Variants in DAGLA observed in about 807,000 individuals in gnomAD.
DAGLA encodes diacylglycerol lipase-alpha.
A neutral mutation model predicts 102.6 loss-of-function variants in DAGLA; 22 were observed. The ratio of observed to expected loss-of-function variants is 0.21; its 90% CI spans 0.15 to 0.31. DAGLA has a LOEUF of 0.31. Ranked by LOEUF, DAGLA falls within the 10% of genes least tolerant of loss-of-function variation. DAGLA has a pLI of 1.00. For synonymous variants in DAGLA, 578 were observed against 628.9 expected (o/e 0.92, Z 1.21); for missense variants, 927 against 1,446.6 (o/e 0.64, Z 5.83).
At chr11:61,709,857 C>A (rs1011680037) in intron 1 of DAGLA, among the ~76,000 whole-genome samples, 8 of 152,118 alleles carry the variant, frequency 5.3e-5, no homozygotes, top group Non-Finnish European at 1.0e-4. Context: ...AACCCAATAG[C>A]CCAGTTGGCC....
At chr11:61,683,045 G>A (rs946296531) in intron 1 of DAGLA, among the ~76,000 whole-genome samples, 2 of 152,200 alleles carry the variant, frequency 1.3e-5, no homozygotes, top group African/African-American at 2.4e-5. Context: ...CCTAATTCCC[G>A]ACAACAAGCT....
chr11:61,694,025 T>C (rs2065044857), intron 1 of DAGLA, among the ~76,000 whole-genome samples: 1 of 152,240 alleles, frequency 6.6e-6, no homozygotes, highest in Non-Finnish European at 1.5e-5. Flanking sequence ...TTCCAGAGTC[T>C]AGGCACATAG....
At chr11:61,725,847 G>A in intron 5 of DAGLA, 148 bp from the exon 6 acceptor site, 1 of 720,800 alleles carries the variant, frequency 1.4e-6, no homozygotes, top group Non-Finnish European at 2.4e-6. Flanking sequence ...CTCTGGCAGG[G>A]CCTGGGCCCT....
intron 5 of DAGLA, among the ~76,000 whole-genome samples, chr11:61,725,758 C>T (rs369166453): frequency 5.9e-5 from 9 of 152,308 alleles, no homozygotes; most frequent in Admixed American, 2.0e-4. Flanking sequence ...CCTTGGCCAA[C>T]GGCACACACC....
intron 1 of DAGLA, among the ~76,000 whole-genome samples, chr11:61,707,426 C>T (rs952652650): frequency 6.6e-5 from 10 of 152,366 alleles, no homozygotes; most frequent in Admixed American, 1.3e-4. Context: ...TTCCCCTCAT[C>T]GTGGAGGCCT....
intron 1 of DAGLA, among the ~76,000 whole-genome samples, chr11:61,697,362 C>T (rs2065074971): frequency 6.6e-6 from 1 of 152,220 alleles, no homozygotes; most frequent in Non-Finnish European, 1.5e-5. Flanking sequence ...GAGATGGGCC[C>T]TCCAGGCAAG....
chr11:61,690,514 A>G (rs562072081), intron 1 of DAGLA, among the ~76,000 whole-genome samples: 62 of 152,216 alleles, frequency 4.1e-4, no homozygotes, highest in African/African-American at 1.3e-3. Flanking sequence ...ATTTAATGCA[A>G]TGAACAGTGA....
At chr11:61,687,564 G>T (rs1454721981) in intron 1 of DAGLA, among the ~76,000 whole-genome samples, 2 of 152,108 alleles carry the variant, frequency 1.3e-5, no homozygotes, top group Non-Finnish European at 2.9e-5. Context: ...CCTGACCTCA[G>T]GTGATCCACC....
intron 1 of DAGLA, among the ~76,000 whole-genome samples, chr11:61,690,860 C>T (rs966524303): frequency 1.3e-5 from 2 of 152,194 alleles, no homozygotes; most frequent in Non-Finnish European, 2.9e-5. Flanking sequence ...AGGAAGCCCT[C>T]GCCGCTCCCC....
At position 61,741,092 on chromosome 11, in the gene DAGLA, C is replaced by A. The variant is rs1591055237; in HGVS notation, c.1984-70C>A. On this transcript the variant is annotated intron_variant, in intron 18 of 19. Transcript: ENST00000257215. ...TTGGCCTGAGAGGCCTGGGCCCTGG[C>A]TCCACATCGGCCCCACGATGGGGCC... 6.2e-6 allele frequency: 9 copies of A among 1,445,506 alleles called. No individual in the cohort carries two copies. In the African/African-American group the frequency reaches 8.5e-5, roughly 14 times the overall value. 89.5% of individuals were successfully genotyped at this position (1,445,506 alleles called of 1,614,324 possible).
At chr11:61,704,431 T>G (rs1192102982) in intron 1 of DAGLA, among the ~76,000 whole-genome samples, 3 of 152,230 alleles carry the variant, frequency 2.0e-5, no homozygotes, top group Non-Finnish European at 4.4e-5. Flanking sequence ...GACCAAAGGA[T>G]TTCTTTATGG....
rs2064972796 is a variant in DAGLA at position 61,684,731 on chromosome 11, A to C, written c.-45+4227A>C. Among the ~76,000 whole-genome samples the C allele has an allele frequency of 6.6e-6, 1 of 151,978 alleles. No homozygotes were observed. The highest frequency in any genetic ancestry group is 1.5e-5 in the Non-Finnish European group (1 of 67,994). ...TGTGCCCATAAGTGTTTCTGTGGGAAGTGAGGGCGGAGGGGGTGTGGAGCG... is the reference window on the plus strand; with the variant it reads ...TGTGCCCATAAGTGTTTCTGTGGGACGTGAGGGCGGAGGGGGTGTGGAGCG... On this transcript the variant is annotated intron_variant, in intron 1 of 19. Coordinates refer to ENST00000257215, the MANE Select transcript of DAGLA (RefSeq NM_006133.3). The surrounding 1 kb of genome is among the most constrained non-coding windows in gnomAD (Gnocchi z 4.5).
intron 17 of DAGLA, 121 bp downstream of exon 17, chr11:61,739,782 G>T (rs1179178598): frequency 9.6e-7 from 1 of 1,039,998 alleles, no homozygotes; most frequent in Non-Finnish European, 1.4e-6. Context: ...GGAGAAGATG[G>T]CCCAGGGCCT....
At chr11:61,732,532 G>T (rs1465305252) in intron 9 of DAGLA, among the ~76,000 whole-genome samples, 1 of 152,206 alleles carries the variant, frequency 6.6e-6, no homozygotes, top group East Asian at 1.9e-4. Context: ...ACTGTAACAG[G>T]TGGTATCTGT....
chr11:61,741,481 C>A (rs1311205902), intron 19 of DAGLA, 132 bp downstream of exon 19: 1 of 1,003,736 alleles, frequency 1.0e-6, no homozygotes, highest in Non-Finnish European at 1.4e-6. Context: ...TCAAACTCAC[C>A]CTCTGTGCTC....
At chr11:61,706,752 C>T (rs1021603574) in intron 1 of DAGLA, among the ~76,000 whole-genome samples, 1 of 152,202 alleles carries the variant, frequency 6.6e-6, no homozygotes, top group South Asian at 2.1e-4. Flanking sequence ...CACCCCCACC[C>T]CAGAGTCTTC....
intron 4 of DAGLA, 152 bp from the exon 5 acceptor site, chr11:61,723,282 G>T: frequency 1.8e-6 from 2 of 1,128,030 alleles, no homozygotes. Flanking sequence ...CACGTATGTG[G>T]CCAGAGACTG....
chr11:61,721,545 A>G (rs557633340), intron 3 of DAGLA, among the ~76,000 whole-genome samples: 1 of 152,326 alleles, frequency 6.6e-6, no homozygotes, highest in African/African-American at 2.4e-5. Context: ...GGCCCTTTAC[A>G]GGAAAAGGTG....
At chr11:61,690,670 G>C (rs945166812) in intron 1 of DAGLA, among the ~76,000 whole-genome samples, 1 of 152,164 alleles carries the variant, frequency 6.6e-6, no homozygotes, top group Non-Finnish European at 1.5e-5. Context: ...TCTGTTAGAG[G>C]CTGCGTGTTT....
Sources: allele counts gnomAD v4.1 joint callset (sites outside exome capture counted in the v4.1 genomes callset), GRCh38; gene constraint gnomAD v4.1.1; non-coding constraint Gnocchi (gnomAD v3.1); transcripts MANE v1.5; gene names NCBI Gene and HGNC (gene_info 2026-07-23, HGNC 2026-07-21).